CHAT: variants seen among roughly 807,000 people sequenced by gnomAD.
CHAT encodes acetyl CoA:choline O-acetyltransferase.
In CHAT, 61 loss-of-function variants were observed where a neutral mutation model predicts 76.9. That is an observed-to-expected ratio of 0.79 (90% CI 0.65 to 0.98). CHAT has a LOEUF of 0.98. CHAT is among the 50% of genes least tolerant of loss of function. The probability of loss-of-function intolerance (pLI) is 0.00; values close to 1 mark genes in which losing one functional copy is unlikely to be tolerated. For missense variants in CHAT, 946 were observed against 986.9 expected, an observed-to-expected ratio of 0.96 and a Z score of 0.56; for synonymous variants, 407 against 397.4, an observed-to-expected ratio of 1.02 and a Z score of -0.29.
In CHAT at chr10:49,627,711, G is replaced by A. The variant is rs779668516; in HGVS notation, c.1037G>A (p.Arg346His). Residue 346 changes from arginine to histidine, a missense_variant, in exon 7 of 15, where the codon CGT becomes CAT. Around this residue, in one of 3 missense-constraint regions of CHAT, gnomAD observed 548 missense variants for 516.2 expected, o/e 1.06. Transcript: ENST00000337653. ...IVKMASNEDE[R>H]LPPIGLLTSD... The stretch of plus-strand genomic sequence containing the variant: ...AAAATGGCTTCCAACGAGGACGAGC[G>A]TTTGCCTCCAATTGGCCTGCTGACG... The A allele has an allele frequency of 5.0e-5, 80 of 1,614,034 alleles. No homozygotes were observed. In the South Asian group the frequency reaches 5.1e-4, roughly 10 times the overall value.
chr10:49,665,436 T>C lies in CHAT; in HGVS notation c.*390T>C, dbSNP rs151239898. 5.0e-3 allele frequency among the ~76,000 whole-genome samples: 754 copies of C among 152,248 alleles called. 4 individuals are homozygous for C. The highest frequency in any genetic ancestry group is 5.2e-3 in the Non-Finnish European group (351 of 68,018). On this transcript the variant is annotated 3_prime_UTR_variant, in exon 15 of 15. Transcript: ENST00000337653. ...CCCAAGGAAAGGATGAGTCACTCTA[T>C]TACATGCAACGTACCTAATGAGTTA... is the stretch of plus-strand genomic sequence containing the variant.
intron 7 of CHAT, among the ~76,000 whole-genome samples, chr10:49,644,684 G>A (rs867187422): frequency 1.3e-5 from 2 of 152,222 alleles, no homozygotes; most frequent in Non-Finnish European, 2.9e-5. Context: ...TGCTGTGGGA[G>A]ACATCTCCTT....
intron 7 of CHAT, among the ~76,000 whole-genome samples, chr10:49,641,714 G>A (rs2132782210): frequency 6.6e-6 from 1 of 152,180 alleles, no homozygotes; most frequent in East Asian, 1.9e-4. Context: ...AAGCCCCTGA[G>A]AAAGATCCCA....
intron 6 of CHAT, 44 bp from the exon 7 acceptor site, chr10:49,627,564 C>T (rs538701891): frequency 1.4e-5 from 22 of 1,604,434 alleles, no homozygotes; most frequent in South Asian, 7.7e-5. Flanking sequence ...CCTGGTGCCA[C>T]GGGCCACCCA....
At chr10:49,652,047 C>G (rs372839166) in intron 11 of CHAT, 41 bp downstream of exon 11, 19 of 1,613,716 alleles carry the variant, frequency 1.2e-5, no homozygotes, top group South Asian at 2.2e-5. Flanking sequence ...GGAGGGCTGA[C>G]GGACACAGTG....
chr10:49,639,511 T>A (rs1331349228), intron 7 of CHAT, among the ~76,000 whole-genome samples: 1 of 149,300 alleles, frequency 6.7e-6, no homozygotes, highest in African/African-American at 2.5e-5. Flanking sequence ...GTTGCTTTTC[T>A]CCTATAGAAT....
chr10:49,664,716 C>T, intron 14 of CHAT, 61 bp from the exon 15 acceptor site: 1 of 1,607,538 alleles, frequency 6.2e-7, no homozygotes, highest in Non-Finnish European at 8.5e-7. Context: ...AAGCCAAGCC[C>T]AGTCGAGGCT....
chr10:49,610,948 G>A (rs758567871), upstream of CHAT: 201 of 1,610,380 alleles, frequency 1.2e-4, 1 homozygote, highest in South Asian at 2.2e-3. Flanking sequence ...GGGCGGCGAG[G>A]GCCCCACCCG....
At chr10:49,660,912 T>C (rs1403469266) in intron 13 of CHAT, among the ~76,000 whole-genome samples, 3 of 152,286 alleles carry the variant, frequency 2.0e-5, no homozygotes, top group Non-Finnish European at 4.4e-5. Context: ...TTGCCAGTGG[T>C]CGTGGAGAAA....
rs1372771583 is a variant in CHAT, at chr10:49,664,758, G to C, written c.1978-19G>C. The C allele has an allele frequency of 6.2e-7, 1 of 1,614,040 alleles. No homozygotes were observed. Among genetic ancestry groups the C allele is most frequent in the African/African-American group, 1.3e-5 (1 of 74,940 alleles). ...CTGCATTCCAGAACAAGCAGCTCCT[G>C]ACCTGTCCTCTCCTCCAGGTGCCCA... On this transcript the variant is annotated intron_variant, in intron 14 of 14. Transcript: ENST00000337653.
rs145762693 is a variant in CHAT, at chr10:49,657,704, G to A, written c.1839+2256G>A. Among the ~76,000 whole-genome samples the A allele has an allele frequency of 4.2e-3, 637 of 152,190 alleles. 5 individuals carry two copies. The highest frequency in any genetic ancestry group is 0.014 in the African/African-American group (579 of 41,550). On this transcript the variant is annotated intron_variant, in intron 13 of 14. Coordinates refer to ENST00000337653, the MANE Select transcript of CHAT (RefSeq NM_020549.5). ...CAGCCACTCAGCTCCATACACACTG[G>A]GAACTAGCTCTGTAACCATCCCTCA...
chr10:49,619,615 G>A, intron 2 of CHAT, 110 bp from the exon 3 acceptor site: 1 of 1,086,458 alleles, frequency 9.2e-7, no homozygotes, highest in Non-Finnish European at 1.4e-6. Flanking sequence ...AGGGGTCCCA[G>A]GGTAGAGAAC....
At position 49,648,726 on chromosome 10, in the gene CHAT, TACACACAC is replaced by T. The variant is rs10580502; in HGVS notation, c.1382+144_1382+151del. 8.6e-3 allele frequency: 5,021 copies of T among 583,892 alleles called. 49 individuals are homozygous for T. Among genetic ancestry groups the T allele is most frequent in the African/African-American group, 0.044 (2,360 of 53,228 alleles). The allele number at this position is 583,892 out of a possible 1,614,324, so 36.2% of individuals were successfully genotyped here. Reference sequence around the variant, plus strand: ...ATGAATTTGAAAAAAATGTGTACTATACACACACACACACACACACACACACACACACG... The same window carrying T: ...ATGAATTTGAAAAAAATGTGTACTATACACACACACACACACACACACACG... On this transcript the variant is annotated intron_variant, in intron 9 of 14. Coordinates refer to ENST00000337653, the MANE Select transcript of CHAT (RefSeq NM_020549.5).
At chr10:49,657,279 G>A (rs894774118) in intron 13 of CHAT, among the ~76,000 whole-genome samples, 1 of 152,180 alleles carries the variant, frequency 6.6e-6, no homozygotes. Flanking sequence ...ATAGTGGAAG[G>A]TGGAAAGGCC....
intron 7 of CHAT, among the ~76,000 whole-genome samples, chr10:49,630,549 G>C (rs142271644): frequency 1.3e-5 from 2 of 152,206 alleles, no homozygotes; most frequent in African/African-American, 4.8e-5. Flanking sequence ...AGTTGAACCA[G>C]TGAGTATGGT....
In CHAT at chr10:49,665,147, GTCCT is replaced by G; in HGVS notation, c.*102_*105del. 1 of 1,267,964 alleles carries G rather than the reference GTCCT, an allele frequency of 7.9e-7. No individual in the cohort carries two copies. Among genetic ancestry groups the G allele is most frequent in the Non-Finnish European group, 1.1e-6 (1 of 875,730 alleles). 78.5% of individuals were successfully genotyped at this position (1,267,964 alleles called of 1,614,324 possible). A position where few individuals can be genotyped will look rare whatever the true frequency, so the allele number is the denominator to read the frequency against. On this transcript the variant is annotated 3_prime_UTR_variant, in exon 15 of 15. Coordinates refer to ENST00000337653, the MANE Select transcript of CHAT (RefSeq NM_020549.5). Reference sequence around the variant, plus strand: ...TTACCCCAGCTTTCCACAGCTCCCTGTCCTCAGGGTCCAACTCACAGACCATACA... The same window carrying G: ...TTACCCCAGCTTTCCACAGCTCCCTGCAGGGTCCAACTCACAGACCATACA...
chr10:49,643,569 A>G (rs1839558100), intron 7 of CHAT, among the ~76,000 whole-genome samples: 1 of 152,148 alleles, frequency 6.6e-6, no homozygotes, highest in South Asian at 2.1e-4. Flanking sequence ...ATGCCTAAGG[A>G]GGGGAGAAGG....
rs1265180729 is a variant in CHAT at position 49,650,902 on chromosome 10, G to C, written c.1512-982G>C. Among the ~76,000 whole-genome samples, 5 of 152,286 alleles carry C rather than the reference G, an allele frequency of 3.3e-5. No homozygotes were observed. The East Asian group carries it at 9.7e-4, about 30-fold the overall frequency. On this transcript the variant is annotated intron_variant, in intron 10 of 14. Transcript: ENST00000337653. ...CAGGGTTGTTCAGGAGCTAAGTCAG[G>C]GGCCAAGGCAGTGAGCTGGTGGGCT...
intron 11 of CHAT, among the ~76,000 whole-genome samples, chr10:49,654,168 G>A (rs1359606429): frequency 6.6e-6 from 1 of 152,236 alleles, no homozygotes; most frequent in African/African-American, 2.4e-5. Context: ...CAGGACAGGA[G>A]CTCCTTGCCA....
Sources: allele counts gnomAD v4.1 joint callset (sites outside exome capture counted in the v4.1 genomes callset), GRCh38; gene constraint gnomAD v4.1.1; regional missense constraint gnomAD v4.1.1; transcripts MANE v1.5; gene names NCBI Gene and HGNC (gene_info 2026-07-23, HGNC 2026-07-21).